ZFAND3: variants seen among roughly 807,000 people sequenced by gnomAD.
ZFAND3 encodes the protein zinc finger AN1-type containing 3.
ZFAND3 carries 10 observed loss-of-function variants against 29.6 expected under a neutral mutation model. The observed-to-expected ratio is 0.34, with a 90% confidence interval of 0.21 to 0.57. The LOEUF is 0.57. Among genes scored for constraint, ZFAND3 ranks in the 20% least tolerant of loss-of-function variants. The pLI is 0.86. For synonymous variants in ZFAND3, 128 were observed against 112.6 expected (o/e 1.14, Z -0.87); for missense variants, 230 against 304.5 (o/e 0.76, Z 1.82).
chr6:37,985,528 C>CACACA (rs372598964), intron 2 of ZFAND3, among the ~76,000 whole-genome samples: 3 of 127,668 alleles, frequency 2.3e-5, no homozygotes, highest in Non-Finnish European at 5.3e-5. Flanking sequence ...CACACACACA[C>CACACA]CCCCACACAC....
chr6:37,940,096 A>G (rs1485299856), intron 2 of ZFAND3, among the ~76,000 whole-genome samples: 2 of 152,162 alleles, frequency 1.3e-5, no homozygotes, highest in Non-Finnish European at 2.9e-5. Context: ...TATGTTTCAT[A>G]TCCTCAGTAG....
At chr6:38,029,565 G>C (rs1763510050) in intron 2 of ZFAND3, among the ~76,000 whole-genome samples, 1 of 152,144 alleles carries the variant, frequency 6.6e-6, no homozygotes, top group African/African-American at 2.4e-5. Context: ...AATGACTAAA[G>C]TATGGACACA....
At chr6:38,137,601 A>T (rs537311540) in intron 5 of ZFAND3, among the ~76,000 whole-genome samples, 1 of 152,322 alleles carries the variant, frequency 6.6e-6, no homozygotes, top group South Asian at 2.1e-4. Flanking sequence ...TGCAGTAAGC[A>T]AGGGAACAGA....
At chr6:37,825,573 A>G (rs1352668628) in intron 1 of ZFAND3, among the ~76,000 whole-genome samples, 1 of 152,044 alleles carries the variant, frequency 6.6e-6, no homozygotes, top group African/African-American at 2.4e-5. Context: ...GTTTGAGGCA[A>G]TAGCTTTTTA....
At chr6:37,956,752 T>C (rs1312209834) in intron 2 of ZFAND3, among the ~76,000 whole-genome samples, 1 of 152,174 alleles carries the variant, frequency 6.6e-6, no homozygotes, top group African/African-American at 2.4e-5. Context: ...GGTTCATGAA[T>C]TTTATTGAGG....
intron 2 of ZFAND3, among the ~76,000 whole-genome samples, chr6:38,047,861 C>T (rs1334802867): frequency 1.3e-5 from 2 of 151,988 alleles, no homozygotes; most frequent in Non-Finnish European, 2.9e-5. Flanking sequence ...GTTATAAAGC[C>T]TGTAGATTAT....
chr6:38,153,336 G>C lies in ZFAND3; in HGVS notation c.*947G>C. On this transcript the variant is annotated 3_prime_UTR_variant, in exon 6 of 6. Coordinates refer to ENST00000287218, the MANE Select transcript of ZFAND3 (RefSeq NM_021943.3). ...GCTGGGAGCAGCAGCTGGGGAAGCT[G>C]CCGCCCACGGGCTCTGCCCCTTCCA... 1.0e-6 allele frequency: 1 copy of C among 985,484 alleles called. No individual in the cohort carries two copies. The highest frequency in any genetic ancestry group is 1.2e-6 in the Non-Finnish European group (1 of 829,952). The allele number at this position is 985,484 out of a possible 1,614,324, so 61.0% of individuals were successfully genotyped here.
intron 2 of ZFAND3, among the ~76,000 whole-genome samples, chr6:37,939,641 A>C (rs1761777365): frequency 6.6e-6 from 1 of 152,170 alleles, no homozygotes; most frequent in South Asian, 2.1e-4. Context: ...TGCTGATGGT[A>C]CACCTTTATC....
intron 2 of ZFAND3, among the ~76,000 whole-genome samples, chr6:37,977,791 T>C (rs1048457448): frequency 7.8e-5 from 11 of 141,586 alleles, no homozygotes; most frequent in Non-Finnish European, 1.4e-4. Flanking sequence ...TTTTTTTTTT[T>C]CAAATGAAGA....
intron 1 of ZFAND3, among the ~76,000 whole-genome samples, chr6:37,887,491 C>A (rs919822869): frequency 1.3e-5 from 2 of 152,102 alleles, no homozygotes; most frequent in African/African-American, 4.8e-5. Flanking sequence ...TCAGAACTTA[C>A]TATGTTGGAA....
intron 4 of ZFAND3, among the ~76,000 whole-genome samples, chr6:38,100,765 G>A (rs1457468806): frequency 1.3e-5 from 2 of 152,148 alleles, no homozygotes; most frequent in African/African-American, 4.8e-5. Flanking sequence ...GACTTCAGAA[G>A]TTATAAGAAT....
intron 1 of ZFAND3, among the ~76,000 whole-genome samples, chr6:37,901,640 GT>G (rs564450619): frequency 1.2e-4 from 18 of 152,034 alleles, no homozygotes; most frequent in Non-Finnish European, 2.4e-4. Context: ...AAAAGGATGT[GT>G]TTGTCTTTCT....
chr6:37,833,980 C>T lies in ZFAND3; in HGVS notation c.71+13964C>T, dbSNP rs1763915445. ...ATCGACATCTCACATTAGTGTGGAA[C>T]ATTTTATAGAATTGATGAACCTACA... On this transcript the variant is annotated intron_variant, in intron 1 of 5. Transcript: ENST00000287218. Among the ~76,000 whole-genome samples the T allele has an allele frequency of 2.0e-5, 3 of 152,210 alleles. No individual in the cohort carries two copies. The South Asian group carries it at 6.2e-4, about 32-fold the overall frequency.
chr6:38,120,644 C>G (rs1176255274), intron 5 of ZFAND3, among the ~76,000 whole-genome samples: 1 of 152,110 alleles, frequency 6.6e-6, no homozygotes, highest in African/African-American at 2.4e-5. Context: ...TTCTTAATCA[C>G]TGTGCAATGC....
chr6:37,919,366 T>G (rs1291848530), intron 1 of ZFAND3, among the ~76,000 whole-genome samples: 2 of 152,230 alleles, frequency 1.3e-5, no homozygotes, highest in Admixed American at 1.3e-4. Flanking sequence ...ATATAAATTT[T>G]AAAATGTTAC....
chr6:38,039,554 G>A (rs1246757351), intron 2 of ZFAND3, among the ~76,000 whole-genome samples: 1 of 152,166 alleles, frequency 6.6e-6, no homozygotes, highest in Non-Finnish European at 1.5e-5. Context: ...TAAATTAGAT[G>A]CATATGTGTC....
intron 5 of ZFAND3, among the ~76,000 whole-genome samples, chr6:38,150,115 C>G (rs1018772510): frequency 6.6e-6 from 1 of 152,204 alleles, no homozygotes; most frequent in African/African-American, 2.4e-5. Context: ...TTGAGGCCAT[C>G]CATGCCTCTG....
chr6:38,113,309 G>C (rs1312136678), intron 4 of ZFAND3, among the ~76,000 whole-genome samples: 1 of 152,138 alleles, frequency 6.6e-6, no homozygotes, highest in African/African-American at 2.4e-5. Flanking sequence ...GGATCGAGTA[G>C]GGCTTAATGG....
chr6:37,851,079 G>T (rs1208364486), intron 1 of ZFAND3, among the ~76,000 whole-genome samples: 2 of 147,040 alleles, frequency 1.4e-5, no homozygotes, highest in East Asian at 2.0e-4. Context: ...ACAGTGTCTC[G>T]CACTGTCACC....
Sources: allele counts gnomAD v4.1 joint callset (sites outside exome capture counted in the v4.1 genomes callset), GRCh38; gene constraint gnomAD v4.1.1; transcripts MANE v1.5; gene names NCBI Gene and HGNC (gene_info 2026-07-23, HGNC 2026-07-21).